ZMYM2: variants seen among roughly 807,000 people sequenced by gnomAD.
ZMYM2 encodes the protein zinc finger MYM-type containing 2.
Under a neutral mutation model 162.8 loss-of-function variants are expected in ZMYM2, and 56 were observed. The ratio of observed to expected loss-of-function variants is 0.34; its 90% CI spans 0.28 to 0.43. ZMYM2 has a LOEUF of 0.43. ZMYM2 is among the 20% of genes least tolerant of loss of function. ZMYM2 has a pLI of 1.00. For synonymous variants in ZMYM2, 510 were observed against 541.6 expected, an observed-to-expected ratio of 0.94 and a Z score of 0.81; for missense variants, 1,275 against 1,621.8, an observed-to-expected ratio of 0.79 and a Z score of 3.67.
intron 3 of ZMYM2, among the ~76,000 whole-genome samples, chr13:19,994,128 AAAGTAGTTTTATATTT>A (rs1949839098): frequency 6.6e-6 from 1 of 152,240 alleles, no homozygotes; most frequent in Non-Finnish European, 1.5e-5. Flanking sequence ...AGTTAATCAT[AAAGTAGTTTTATATTT>A]AAAGGATTTA....
At chr13:19,975,965 C>G (rs935960433) in intron 2 of ZMYM2, among the ~76,000 whole-genome samples, 1 of 151,984 alleles carries the variant, frequency 6.6e-6, no homozygotes, top group African/African-American at 2.4e-5. Flanking sequence ...TCAATTGATT[C>G]TTTCACCTTG....
chr13:20,082,404 T>C (rs1024776019), intron 22 of ZMYM2, among the ~76,000 whole-genome samples: 5 of 152,198 alleles, frequency 3.3e-5, no homozygotes, highest in Non-Finnish European at 7.4e-5. Flanking sequence ...GAGCTTCTGA[T>C]GTAAATTTCT....
chr13:20,036,629 A>T, intron 11 of ZMYM2, 108 bp from the exon 12 acceptor site: 2 of 831,938 alleles, frequency 2.4e-6, no homozygotes, highest in Non-Finnish European at 3.4e-6. Flanking sequence ...TAGATTTTAT[A>T]GTTTTGATCA....
intron 9 of ZMYM2, among the ~76,000 whole-genome samples, chr13:20,029,921 A>G (rs533300678): frequency 1.7e-4 from 26 of 151,202 alleles, no homozygotes; most frequent in African/African-American, 6.3e-4. Context: ...CAGCTTCCCA[A>G]GTAGCTGGGA....
chr13:20,015,390 A>C (rs1951537883), intron 6 of ZMYM2, among the ~76,000 whole-genome samples: 1 of 152,196 alleles, frequency 6.6e-6, no homozygotes, highest in African/African-American at 2.4e-5. Flanking sequence ...CATTCTGGAA[A>C]TTGCTCCATG....
At chr13:19,999,792 A>G (rs1246153913) in intron 3 of ZMYM2, among the ~76,000 whole-genome samples, 1 of 152,112 alleles carries the variant, frequency 6.6e-6, no homozygotes, top group Non-Finnish European at 1.5e-5. Flanking sequence ...CACAGGAATG[A>G]TAACAAAGTG....
the ZMYM2 span, among the ~76,000 whole-genome samples, chr13:19,907,860 G>A: frequency 1.1e-4 from 16 of 149,320 alleles, no homozygotes; most frequent in East Asian, 8.0e-4. Flanking sequence ...GACTTTATAC[G>A]AAAAGAGAAC....
At chr13:20,024,968 A>G (rs1308392572) in intron 7 of ZMYM2, 1 of 215,020 alleles carries the variant, frequency 4.7e-6, no homozygotes, top group East Asian at 7.0e-5. Flanking sequence ...TTCCTGGCAC[A>G]TAAACAGCTA....
the ZMYM2 span, among the ~76,000 whole-genome samples, chr13:19,918,985 C>T: frequency 2.6e-5 from 4 of 152,214 alleles, no homozygotes; most frequent in Non-Finnish European, 5.9e-5. Context: ...TCAAAGATGT[C>T]CCATGTGTTC....
intron 2 of ZMYM2, among the ~76,000 whole-genome samples, chr13:19,979,035 C>G (rs9508987): frequency 6.6e-6 from 1 of 151,462 alleles, no homozygotes; most frequent in Non-Finnish European, 1.5e-5. Flanking sequence ...AGATTTTTTT[C>G]CCCCCTCTTT....
the ZMYM2 span, among the ~76,000 whole-genome samples, chr13:19,872,733 T>C: frequency 6.6e-6 from 1 of 152,054 alleles, no homozygotes; most frequent in Non-Finnish European, 1.5e-5. Flanking sequence ...GCGCGGTTGC[T>C]CATGACTGTA....
At chr13:19,874,650 TC>T in the ZMYM2 span, among the ~76,000 whole-genome samples, 10 of 152,180 alleles carry the variant, frequency 6.6e-5, no homozygotes, top group Non-Finnish European at 1.5e-5. Context: ...TGCTGATTAT[TC>T]CACACTTTCC....
intron 11 of ZMYM2, among the ~76,000 whole-genome samples, 165 bp downstream of exon 11, chr13:20,034,569 C>G (rs1953507685): frequency 6.6e-6 from 1 of 152,112 alleles, no homozygotes; most frequent in Admixed American, 6.6e-5. Context: ...GTTTGTAGAT[C>G]TGGGCTTCAA....
In ZMYM2 at chr13:20,086,725, TA is replaced by T. The variant is rs1409140895; in HGVS notation, c.*717del. ...GTGGCTTTCTGCATCACCCAATCAA[TA>T]AAAAACAAATATATATATGTATATA... On this transcript the variant is annotated 3_prime_UTR_variant, in exon 25 of 25. Transcript: ENST00000610343. 1.2e-5 allele frequency: 2 copies of T among 163,522 alleles called. No homozygotes were observed. Among genetic ancestry groups the T allele is most frequent in the Non-Finnish European group, 2.6e-5 (2 of 77,232 alleles). The allele number at this position is 163,522 out of a possible 1,614,324, so 10.1% of individuals were successfully genotyped here. A position where few individuals can be genotyped will look rare whatever the true frequency, so the allele number is the denominator to read the frequency against.
the ZMYM2 span, among the ~76,000 whole-genome samples, chr13:19,919,266 T>G: frequency 6.6e-6 from 1 of 152,200 alleles, no homozygotes; most frequent in Admixed American, 6.6e-5. Flanking sequence ...AATTTTTTTG[T>G]TTCCAGCTTT....
chr13:19,878,905 T>A, the ZMYM2 span, among the ~76,000 whole-genome samples: 1 of 152,206 alleles, frequency 6.6e-6, no homozygotes, highest in Admixed American at 6.5e-5. Context: ...TTATCAGATA[T>A]GTGTTTTACA....
At chr13:19,946,037 C>T in the ZMYM2 span, among the ~76,000 whole-genome samples, 5 of 151,792 alleles carry the variant, frequency 3.3e-5, no homozygotes, top group Admixed American at 1.3e-4. Flanking sequence ...CTCTCTGTAC[C>T]CCACATCTTC....
chr13:19,909,598 A>G, the ZMYM2 span, among the ~76,000 whole-genome samples: 2 of 151,902 alleles, frequency 1.3e-5, no homozygotes, highest in African/African-American at 4.8e-5. Context: ...ACACCTGGCT[A>G]ATTTTTGTAA....
the ZMYM2 span, among the ~76,000 whole-genome samples, chr13:19,902,707 G>GT: frequency 5.9e-5 from 9 of 151,784 alleles, no homozygotes; most frequent in South Asian, 1.0e-3. Context: ...TATATTATGT[G>GT]TTTTTTTGCC....
Sources: allele counts gnomAD v4.1 joint callset (sites outside exome capture counted in the v4.1 genomes callset), GRCh38; gene constraint gnomAD v4.1.1; transcripts MANE v1.5; gene names NCBI Gene and HGNC (gene_info 2026-07-23, HGNC 2026-07-21).